Variants in TSEN2 observed in about 807,000 individuals in gnomAD.
TSEN2 encodes tRNA-splicing endonuclease subunit Sen2.
TSEN2 carries 54 observed loss-of-function variants against 59.2 expected under a neutral mutation model. The ratio of observed to expected loss-of-function variants is 0.91; its 90% confidence interval spans 0.73 to 1.14. The LOEUF is 1.14. TSEN2 is among the 50% of genes most tolerant of loss of function. The pLI is 0.00. For synonymous variants in TSEN2, 195 were observed against 198.2 expected, an observed-to-expected ratio of 0.98 and a Z score of 0.14; for missense variants, 636 against 576.2, an observed-to-expected ratio of 1.10 and a Z score of -1.06.
rs1167824415 is a variant in TSEN2 at position 12,484,668 on chromosome 3, G to C, written c.-230G>C. 1 of 152,276 alleles carries C rather than the reference G, an allele frequency of 6.6e-6. No individual in the cohort carries two copies. Among genetic ancestry groups the C allele is most frequent in the African/African-American group, 2.4e-5 (1 of 41,470 alleles). 9.4% of individuals were successfully genotyped at this position (152,276 alleles called of 1,614,324 possible). On this transcript the variant is annotated 5_prime_UTR_variant, in exon 1 of 12. Transcript: ENST00000284995. ...TCGCACAGCCGGCCGAGACAGTGCC[G>C]GGACGGGGAGCCAGGCTTCCGAGTG...
At chr3:12,531,736 G>A in intron 11 of TSEN2, 77 bp downstream of exon 11, 2 of 964,748 alleles carry the variant, frequency 2.1e-6, no homozygotes, top group South Asian at 2.7e-5. Flanking sequence ...GTGGTCCCAA[G>A]AAAATACATG....
At chr3:12,521,741 G>T (rs1296326478) in intron 8 of TSEN2, among the ~76,000 whole-genome samples, 1 of 151,968 alleles carries the variant, frequency 6.6e-6, no homozygotes, top group Non-Finnish European at 1.5e-5. Context: ...GCTGGGCGCG[G>T]TGGCTCACGC....
chr3:12,494,999 A>C (rs545086773), intron 3 of TSEN2, among the ~76,000 whole-genome samples: 85 of 151,402 alleles, frequency 5.6e-4, no homozygotes, highest in African/African-American at 1.9e-3. Flanking sequence ...GGTGGCAGGC[A>C]CTTGTAATCC....
chr3:12,535,425 A>G (rs993874833), downstream of TSEN2, among the ~76,000 whole-genome samples: 1 of 152,196 alleles, frequency 6.6e-6, no homozygotes, highest in Admixed American at 6.5e-5. Flanking sequence ...CTAGGAGGCA[A>G]TATTTTTATT....
upstream of TSEN2, among the ~76,000 whole-genome samples, chr3:12,483,809 C>A (rs1001025626): frequency 1.3e-5 from 2 of 152,240 alleles, no homozygotes; most frequent in Non-Finnish European, 2.9e-5. Flanking sequence ...GAAACTTACA[C>A]TTCCTATTGC....
chr3:12,522,045 T>C (rs1385819013), intron 8 of TSEN2, among the ~76,000 whole-genome samples: 2 of 148,614 alleles, frequency 1.3e-5, no homozygotes, highest in African/African-American at 5.0e-5. Context: ...AAAATAAAAA[T>C]TAAGATATTT....
Position 12,518,967 on chromosome 3 carries a change from C to G in TSEN2, c.961-92C>G, listed in dbSNP as rs1286290389. Reference sequence around the variant, plus strand: ...AACTGCATTTTCTTCACTGCTTCAGCTCCACACTTAGTATAGATGTTGGTG... The same window carrying G: ...AACTGCATTTTCTTCACTGCTTCAGGTCCACACTTAGTATAGATGTTGGTG... On this transcript the variant is annotated intron_variant, in intron 7 of 11. Transcript: ENST00000284995. The G allele has an allele frequency of 4.7e-6, 6 of 1,287,174 alleles. No individual in the cohort carries two copies. The Admixed American group carries it at 1.0e-4, about 22-fold the overall frequency. The allele number at this position is 1,287,174 out of a possible 1,614,324, so 79.7% of individuals were successfully genotyped here.
chr3:12,528,017 C>T (rs780957650), intron 8 of TSEN2, among the ~76,000 whole-genome samples: 51 of 152,314 alleles, frequency 3.3e-4, no homozygotes, highest in Non-Finnish European at 6.6e-4. Context: ...AGACTGAATT[C>T]CCCCATCTTC....
rs550837913 is a variant in TSEN2 at position 12,487,697 on chromosome 3, A to T, written c.-17-2087A>T. Among the ~76,000 whole-genome samples the T allele has an allele frequency of 2.7e-4, 27 of 98,720 alleles. No homozygotes were observed. In the South Asian group the frequency reaches 5.0e-3, roughly 18 times the overall value. 64.8% of individuals were successfully genotyped at this position (98,720 alleles called of 152,430 possible). A position where few individuals can be genotyped will look rare whatever the true frequency, so the allele number is the denominator to read the frequency against. On this transcript the variant is annotated intron_variant, in intron 1 of 11. Coordinates refer to ENST00000284995, the MANE Select transcript of TSEN2 (RefSeq NM_025265.4). Reference sequence around the variant, plus strand: ...TAAATTATTGTCTCTCCAATTGAGTACTAAATGTGATAATTTAGTACTTGG... The same window carrying T: ...TAAATTATTGTCTCTCCAATTGAGTTCTAAATGTGATAATTTAGTACTTGG...
intron 10 of TSEN2, chr3:12,539,147 T>C: frequency 2.2e-6 from 1 of 446,014 alleles, no homozygotes; most frequent in South Asian, 1.6e-5. Context: ...CTTTTTTTTT[T>C]TCTTGTGATG....
At chr3:12,528,854 G>A (rs1309544027) in intron 8 of TSEN2, 34 bp from the exon 9 acceptor site, 3 of 1,612,046 alleles carry the variant, frequency 1.9e-6, no homozygotes, top group African/African-American at 1.3e-5. Flanking sequence ...TATTTTGAGT[G>A]GTTATACTTC....
intron 1 of TSEN2, among the ~76,000 whole-genome samples, chr3:12,487,964 CA>C (rs58653310): frequency 0.065 from 9,853 of 152,208 alleles, 699 homozygotes; most frequent in African/African-American, 0.17. Flanking sequence ...AGGAAGGTTC[CA>C]ACTTCCCGAT....
chr3:12,520,177 G>A (rs60652866), intron 8 of TSEN2, among the ~76,000 whole-genome samples: 7 of 151,952 alleles, frequency 4.6e-5, no homozygotes, highest in Non-Finnish European at 8.8e-5. Flanking sequence ...TTTTTGTATT[G>A]TTAGTACAGA....
chr3:12,537,661 G>T (rs750181470), downstream of TSEN2, among the ~76,000 whole-genome samples: 1 of 152,102 alleles, frequency 6.6e-6, no homozygotes, highest in African/African-American at 2.4e-5. Context: ...CTGCAGTGTG[G>T]CCCAGGGGTT....
chr3:12,494,453 A>C (rs1298717662), intron 3 of TSEN2, among the ~76,000 whole-genome samples: 1 of 152,180 alleles, frequency 6.6e-6, no homozygotes, highest in South Asian at 2.1e-4. Context: ...ACAGTTGTGC[A>C]ATCTCCGATC....
chr3:12,485,797 C>T (rs934627139), intron 1 of TSEN2, among the ~76,000 whole-genome samples: 4 of 152,148 alleles, frequency 2.6e-5, no homozygotes, highest in African/African-American at 7.2e-5. Flanking sequence ...GACAACTGAC[C>T]CAGTCTTTCC....
chr3:12,523,526 C>CTTTTTTTTTTTTTTTGTTTTTTTTTT (rs2056826920), intron 8 of TSEN2, among the ~76,000 whole-genome samples: 1 of 46,480 alleles, frequency 2.2e-5, no homozygotes, highest in Non-Finnish European at 4.3e-5. Context: ...CTCTTTGATT[C>CTTTTTTTTTTTTTTTGTTTTTTTTTT]TTTTTTTTTT....
chr3:12,490,044 C>A, intron 2 of TSEN2, 55 bp downstream of exon 2: 1 of 1,529,994 alleles, frequency 6.5e-7, no homozygotes, highest in South Asian at 1.1e-5. Context: ...AGCAAGCAGT[C>A]CTTTCCTTCT....
At position 12,503,766 on chromosome 3, in the gene TSEN2, G is replaced by A; in HGVS notation, c.813G>A (p.Glu271=). ...EEAECAMSER[E]AAPNEELVQR... ...CGGAGTGTGCCATGAGCGAGAGGGA[G>A]GCTGCCCCAAATGAGGAAGTAAGTA... Residue 271 remains glutamate, a synonymous_variant, in exon 5 of 12, where the codon GAG becomes GAA. Transcript: ENST00000284995. 3 of 1,614,070 alleles carry A rather than the reference G, an allele frequency of 1.9e-6. No individual in the cohort carries two copies. Among genetic ancestry groups the A allele is most frequent in the Non-Finnish European group, 2.5e-6 (3 of 1,180,032 alleles).
Sources: allele counts gnomAD v4.1 joint callset (sites outside exome capture counted in the v4.1 genomes callset), GRCh38; gene constraint gnomAD v4.1.1; transcripts MANE v1.5; gene names NCBI Gene and HGNC (gene_info 2026-07-23, HGNC 2026-07-21).